PIGN: variants seen among roughly 807,000 people sequenced by gnomAD.
PIGN encodes the protein GPI ethanolamine phosphate transferase 1.
In PIGN, 117 loss-of-function variants were observed where a neutral mutation model predicts 125.4. That is an observed-to-expected ratio of 0.93 (90% confidence interval 0.80 to 1.09). The LOEUF (loss-of-function observed/expected upper bound fraction) is 1.09, where lower values mean the gene tolerates loss of function less well. PIGN is among the 50% of genes least tolerant of loss of function. The pLI is 0.00. For missense variants in PIGN, 1,075 were observed against 1,094.9 expected, an observed-to-expected ratio of 0.98 and a Z score of 0.26; for synonymous variants, 392 against 377.8, an observed-to-expected ratio of 1.04 and a Z score of -0.44.
At chr18:62,140,272 A>C in intron 12 of PIGN, 148 bp downstream of exon 12, 1 of 425,456 alleles carries the variant, frequency 2.4e-6, no homozygotes, top group Non-Finnish European at 4.3e-6. Flanking sequence ...GCTTGAGCCC[A>C]GAAGTTCAAG....
chr18:62,117,160 A>G (rs1229384176), intron 14 of PIGN, among the ~76,000 whole-genome samples: 2 of 152,118 alleles, frequency 1.3e-5, no homozygotes, highest in African/African-American at 2.4e-5. Context: ...ATGTATCACC[A>G]TGACATTAAA....
intron 17 of PIGN, among the ~76,000 whole-genome samples, chr18:62,107,307 A>G (rs1186803177): frequency 6.6e-6 from 1 of 152,122 alleles, no homozygotes; most frequent in African/African-American, 2.4e-5. Flanking sequence ...TAATTTGAAA[A>G]CGATCAGCCA....
intron 29 of PIGN, among the ~76,000 whole-genome samples, chr18:62,073,170 GGT>G (rs34182707): frequency 0.11 from 15,910 of 145,350 alleles, 949 homozygotes; most frequent in East Asian, 0.16. Context: ...AATTATCAGG[GGT>G]GTGTGTGTGT....
intron 24 of PIGN, among the ~76,000 whole-genome samples, 161 bp downstream of exon 24, chr18:62,090,315 T>G (rs2033896823): frequency 6.6e-6 from 1 of 152,184 alleles, no homozygotes; most frequent in South Asian, 2.1e-4. Context: ...AAAATCTTCC[T>G]TATCTATTAT....
intron 23 of PIGN, among the ~76,000 whole-genome samples, chr18:62,032,121 C>A (rs1250309656): frequency 1.3e-5 from 2 of 152,196 alleles, no homozygotes; most frequent in Non-Finnish European, 2.9e-5. Context: ...CCTGGATAAT[C>A]CAGGATGAGC....
intron 6 of PIGN, among the ~76,000 whole-genome samples, chr18:62,155,455 G>A (rs2036693149): frequency 6.6e-6 from 1 of 152,098 alleles, no homozygotes; most frequent in Non-Finnish European, 1.5e-5. Flanking sequence ...TGTAATCCCA[G>A]CTACTCAGGG....
At chr18:62,139,145 G>A in intron 12 of PIGN, 70 bp from the exon 13 acceptor site, 1 of 858,720 alleles carries the variant, frequency 1.2e-6, no homozygotes, top group Non-Finnish European at 1.9e-6. Flanking sequence ...AAACAAAACA[G>A]ACTTAAAAGC....
In PIGN at chr18:62,140,418, AC is replaced by A; in HGVS notation, c.1023+1del. 1 of 1,384,188 alleles carries A rather than the reference AC, an allele frequency of 7.2e-7. No individual in the cohort carries two copies. The allele number at this position is 1,384,188 out of a possible 1,614,324, so 85.7% of individuals were successfully genotyped here. A position where few individuals can be genotyped will look rare whatever the true frequency, so the allele number is the denominator to read the frequency against. ...AGTTGATAATAAAATTTTATTCCTT[AC>A]CACTGAGTTAAGAGGAAAGGGAACT... is the stretch of plus-strand genomic sequence containing the variant. On this transcript the variant is annotated splice_donor_variant, in intron 12 of 30. Coordinates refer to ENST00000640252, the MANE Select transcript of PIGN (RefSeq NM_176787.5). LOFTEE classifies it high-confidence loss of function.
At chr18:62,052,065 G>C (rs2031345749) in intron 30 of PIGN, 1 of 152,234 alleles carries the variant, frequency 6.6e-6, no homozygotes, top group Non-Finnish European at 1.5e-5. Context: ...TGGTCTGAGA[G>C]ACAGTTTGTT....
chr18:62,102,689 A>G, intron 21 of PIGN, 105 bp downstream of exon 21: 1 of 553,716 alleles, frequency 1.8e-6, no homozygotes, highest in Non-Finnish European at 3.2e-6. Flanking sequence ...GCAGATACTA[A>G]GTAGCATAAA....
At chr18:62,138,004 C>T (rs1191928790) in intron 14 of PIGN, 2 of 483,794 alleles carry the variant, frequency 4.1e-6, no homozygotes, top group Admixed American at 4.5e-5. Context: ...AGTTCACCTG[C>T]TTAATATTTC....
At chr18:62,049,053 T>C (rs979095914) in intron 30 of PIGN, among the ~76,000 whole-genome samples, 18 of 152,066 alleles carry the variant, frequency 1.2e-4, no homozygotes, top group African/African-American at 4.3e-4. Flanking sequence ...TATGGCTGCA[T>C]AGTATTCCAT....
chr18:62,166,668 GAT>G (rs1322589002), intron 1 of PIGN, among the ~76,000 whole-genome samples: 1 of 152,170 alleles, frequency 6.6e-6, no homozygotes, highest in East Asian at 1.9e-4. Flanking sequence ...GCCCATTAAT[GAT>G]AGACTGGATA....
chr18:62,061,497 G>C (rs1347129467), intron 30 of PIGN, among the ~76,000 whole-genome samples: 1 of 63,898 alleles, frequency 1.6e-5, no homozygotes, highest in Non-Finnish European at 3.1e-5. Flanking sequence ...GGGCGACAGA[G>C]CGAGACTCCG....
intron 25 of PIGN, among the ~76,000 whole-genome samples, chr18:62,086,948 A>G (rs1327108658): frequency 1.3e-5 from 2 of 152,108 alleles, no homozygotes; most frequent in Non-Finnish European, 2.9e-5. Context: ...AAATGAGATA[A>G]GGCCTGCCAG....
Position 62,082,670 on chromosome 18 carries a change from T to G in PIGN, c.2576+3A>C. On this transcript the variant is annotated splice_donor_region_variant and intron_variant, in intron 28 of 30. Coordinates refer to ENST00000640252, the MANE Select transcript of PIGN (RefSeq NM_176787.5). ...AAATGTTTCTTAAACTAATTCATCT[T>G]ACCTTTTTGACGATAACTGAGTAGT... 13 of 1,497,590 alleles carry G rather than the reference T, an allele frequency of 8.7e-6. No individual in the cohort carries two copies. The highest frequency in any genetic ancestry group is 1.2e-5 in the Non-Finnish European group (13 of 1,096,922). 92.8% of individuals were successfully genotyped at this position (1,497,590 alleles called of 1,614,324 possible).
At chr18:62,141,285 TAC>T (rs1326789537) in intron 11 of PIGN, among the ~76,000 whole-genome samples, 2 of 152,228 alleles carry the variant, frequency 1.3e-5, no homozygotes, top group African/African-American at 4.8e-5. Flanking sequence ...GTTTTTCCCT[TAC>T]AGAGGTGTGA....
chr18:62,091,624 G>A (rs1182720214), intron 23 of PIGN, among the ~76,000 whole-genome samples: 6 of 152,288 alleles, frequency 3.9e-5, no homozygotes, highest in African/African-American at 1.4e-4. Flanking sequence ...GATTAAATGT[G>A]TGGTACACCT....
In PIGN at chr18:62,164,230, G is replaced by A. The variant is rs190738498; in HGVS notation, c.-235-574C>T. Reference sequence around the variant, plus strand: ...TTAATTACAAGAAGCTGGAAAATATGGAAAACTGAGGAAATATTTGGTAAA... The same window carrying A: ...TTAATTACAAGAAGCTGGAAAATATAGAAAACTGAGGAAATATTTGGTAAA... On this transcript the variant is annotated intron_variant, in intron 1 of 30. Coordinates refer to ENST00000640252, the MANE Select transcript of PIGN (RefSeq NM_176787.5). Among the ~76,000 whole-genome samples, 1,269 of 152,232 alleles carry A rather than the reference G, an allele frequency of 8.3e-3. 6 individuals are homozygous for A. Among genetic ancestry groups the A allele is most frequent in the Non-Finnish European group, 0.014 (985 of 68,016 alleles).
Sources: gnomAD v4.1 joint callset for allele counts (sites outside exome capture counted in the v4.1 genomes callset) on GRCh38, gnomAD v4.1.1 for gene constraint, MANE v1.5 for transcripts, NCBI Gene and HGNC (gene_info 2026-07-23, HGNC 2026-07-21) for gene names.